The following COL25A1 variants were observed in gnomAD, a reference collection of about 807,000 sequenced individuals.
COL25A1 encodes the protein collagen type XXV alpha 1 chain, also known as collagen alpha-1(XXV) chain.
COL25A1 carries 103 observed loss-of-function variants against 128.4 expected under a neutral mutation model. The observed-to-expected ratio is 0.80, with a 90% CI of 0.68 to 0.94. COL25A1 has a LOEUF of 0.94. COL25A1 is among the 40% of genes least tolerant of loss of function. The pLI is 0.00. For synonymous variants in COL25A1, 279 were observed against 277.2 expected, an observed-to-expected ratio of 1.01 and a Z score of -0.06; for missense variants, 745 against 840.0, an observed-to-expected ratio of 0.89 and a Z score of 1.40.
chr4:108,856,595 T>C (rs1375098435), intron 24 of COL25A1, among the ~76,000 whole-genome samples: 1 of 152,120 alleles, frequency 6.6e-6, no homozygotes, highest in Non-Finnish European at 1.5e-5. Context: ...CCAATAGTTT[T>C]GATGTGAAAA....
At chr4:109,081,110 T>A (rs1430883699) in intron 3 of COL25A1, among the ~76,000 whole-genome samples, 3 of 152,202 alleles carry the variant, frequency 2.0e-5, no homozygotes, top group Admixed American at 1.3e-4. Context: ...GATACCATCA[T>A]AATTTACTGT....
At chr4:109,027,721 G>T (rs981690917) in intron 5 of COL25A1, among the ~76,000 whole-genome samples, 10 of 151,798 alleles carry the variant, frequency 6.6e-5, no homozygotes, top group Non-Finnish European at 1.5e-4. Context: ...TTCAAGACTT[G>T]CAACTAGATT....
chr4:109,269,098 A>T (rs1782001294), intron 3 of COL25A1, among the ~76,000 whole-genome samples: 1 of 104,164 alleles, frequency 9.6e-6, no homozygotes, highest in African/African-American at 3.8e-5. Context: ...CCACCCCACA[A>T]CAGTCCCCAG....
chr4:108,833,731 C>G (rs1733439439), intron 31 of COL25A1, among the ~76,000 whole-genome samples: 1 of 152,160 alleles, frequency 6.6e-6, no homozygotes. Context: ...GAATTCTCAT[C>G]AGCTTAACTG....
At chr4:108,997,192 GT>G (rs1266979498) in intron 6 of COL25A1, among the ~76,000 whole-genome samples, 4 of 152,044 alleles carry the variant, frequency 2.6e-5, no homozygotes, top group Non-Finnish European at 5.9e-5. Context: ...TCCAGGAGCT[GT>G]TTTTTTGAAA....
At chr4:108,998,348 G>A (rs1754989229) in intron 6 of COL25A1, among the ~76,000 whole-genome samples, 1 of 152,138 alleles carries the variant, frequency 6.6e-6, no homozygotes, top group Non-Finnish European at 1.5e-5. Flanking sequence ...CAAATCATGA[G>A]TGAACTCCCA....
chr4:109,003,301 C>T (rs1358598928), intron 6 of COL25A1, among the ~76,000 whole-genome samples: 1 of 152,206 alleles, frequency 6.6e-6, no homozygotes, highest in Non-Finnish European at 1.5e-5. Flanking sequence ...AGAACTACCA[C>T]AAGAACAGAG....
At chr4:108,970,304 C>T (rs1222289676) in intron 8 of COL25A1, among the ~76,000 whole-genome samples, 3 of 152,160 alleles carry the variant, frequency 2.0e-5, no homozygotes, top group Non-Finnish European at 4.4e-5. Flanking sequence ...CTAATGCCTA[C>T]CACGCTAGAC....
chr4:109,057,535 G>A (rs1414464104), intron 3 of COL25A1, among the ~76,000 whole-genome samples: 6 of 138,454 alleles, frequency 4.3e-5, no homozygotes, highest in Admixed American at 2.4e-4. Flanking sequence ...GCCGGCCTTT[G>A]CCTCCCAAAG....
At chr4:109,122,374 G>A (rs746807556) in intron 3 of COL25A1, among the ~76,000 whole-genome samples, 1 of 151,968 alleles carries the variant, frequency 6.6e-6, no homozygotes, top group African/African-American at 2.4e-5. Flanking sequence ...GGGTGGGCAG[G>A]TACATGGGAA....
chr4:109,144,537 A>G lies in COL25A1; in HGVS notation c.368-94358T>C, dbSNP rs535683248. On this transcript the variant is annotated intron_variant, in intron 3 of 37. Coordinates refer to ENST00000399132, the MANE Select transcript of COL25A1 (RefSeq NM_198721.4). Reference sequence around the variant, plus strand: ...AGGTGTTCTGTGCAAGGAAGATGGGAGTTTCATCTATAAGCCCCTGACTAG... The same window carrying G: ...AGGTGTTCTGTGCAAGGAAGATGGGGGTTTCATCTATAAGCCCCTGACTAG... 3.9e-5 allele frequency among the ~76,000 whole-genome samples: 6 copies of G among 152,294 alleles called. No homozygotes were observed. The South Asian group carries it at 1.2e-3, about 32-fold the overall frequency.
intron 33 of COL25A1, among the ~76,000 whole-genome samples, chr4:108,826,247 G>A (rs1732364331): frequency 6.6e-6 from 1 of 152,006 alleles, no homozygotes; most frequent in African/African-American, 2.4e-5. Flanking sequence ...GTGTAATTAA[G>A]AATTTTCAGG....
At chr4:109,027,215 C>T (rs761666604) in intron 5 of COL25A1, among the ~76,000 whole-genome samples, 1 of 152,122 alleles carries the variant, frequency 6.6e-6, no homozygotes, top group Non-Finnish European at 1.5e-5. Flanking sequence ...CAGGAAAGTA[C>T]ATGAGGATAA....
At chr4:109,114,104 A>G (rs1767298187) in intron 3 of COL25A1, among the ~76,000 whole-genome samples, 3 of 152,150 alleles carry the variant, frequency 2.0e-5, no homozygotes, top group African/African-American at 7.2e-5. Context: ...GATATTAAGA[A>G]GTGAAACATC....
intron 3 of COL25A1, among the ~76,000 whole-genome samples, chr4:109,140,087 G>C (rs1324809289): frequency 1.3e-5 from 2 of 152,070 alleles, no homozygotes; most frequent in African/African-American, 2.4e-5. Context: ...GGACATTTGG[G>C]TTGGTTCCAA....
At chr4:109,202,550 C>T (rs11726437) in intron 3 of COL25A1, among the ~76,000 whole-genome samples, 75,591 of 151,940 alleles carry the variant, frequency 0.5, 21,558 homozygotes, top group Non-Finnish European at 0.65. Flanking sequence ...TGATCTTGGA[C>T]TTGGTCATGA....
intron 5 of COL25A1, among the ~76,000 whole-genome samples, chr4:109,039,484 G>C (rs544611579): frequency 6.6e-6 from 1 of 152,068 alleles, no homozygotes; most frequent in East Asian, 1.9e-4. Flanking sequence ...ACACTACTTC[G>C]ATTTTTCACC....
At chr4:109,143,463 T>C (rs180834562) in intron 3 of COL25A1, among the ~76,000 whole-genome samples, 3 of 152,332 alleles carry the variant, frequency 2.0e-5, no homozygotes, top group Admixed American at 2.0e-4. Flanking sequence ...TCTTGCTAGG[T>C]TGGGGAAGTT....
At chr4:108,933,524 T>C (rs749290341) in intron 11 of COL25A1, among the ~76,000 whole-genome samples, 2 of 152,214 alleles carry the variant, frequency 1.3e-5, no homozygotes, top group Non-Finnish European at 2.9e-5. Context: ...ATTGCACTAT[T>C]TGACATGTTG....
Sources: allele counts gnomAD v4.1 joint callset (sites outside exome capture counted in the v4.1 genomes callset), GRCh38; gene constraint gnomAD v4.1.1; transcripts MANE v1.5; gene names NCBI Gene and HGNC (gene_info 2026-07-23, HGNC 2026-07-21).